The following KANK1 variants were observed in gnomAD, a reference collection of about 807,000 sequenced individuals.
KANK1 encodes KN motif and ankyrin repeat domain-containing protein 1.
A neutral mutation model predicts 106.2 loss-of-function variants in KANK1; 109 were observed. The ratio of observed to expected loss-of-function variants is 1.03; its 90% CI spans 0.88 to 1.20. The LOEUF is 1.20. Ranked by LOEUF, KANK1 falls within the 50% of genes most tolerant of loss-of-function variation. The probability of loss-of-function intolerance (pLI) is 0.00; values close to 1 mark genes in which losing one functional copy is unlikely to be tolerated. For missense variants in KANK1, 2,399 were observed against 1,710.7 expected (o/e 1.40, Z -7.10); for synonymous variants, 873 against 652.2 (o/e 1.34, Z -5.16).
At position 712,256 on chromosome 9, in the gene KANK1, C is replaced by T. The variant is rs765771184; in HGVS notation, c.1490C>T (p.Ser497Leu). ...KLKQELQAAG[S>L]RKKVDKATMA... ...AAACAAGAGCTGCAGGCTGCTGGAT[C>T]GAGGAAAAAGGTTGACAAAGCCACG... The change falls in exon 3 of 12, where the codon TCG (serine) becomes TTG (leucine). Residue 497 changes from serine to leucine, a missense_variant. Ser to Leu is a moderately radical substitution (Grantham distance 145, BLOSUM62 -2). Coordinates refer to ENST00000382297, the MANE Select transcript of KANK1 (RefSeq NM_015158.5). The T allele has an allele frequency of 2.0e-5, 32 of 1,614,058 alleles. No homozygotes were observed. The highest frequency in any genetic ancestry group is 1.9e-5 in the Non-Finnish European group (22 of 1,179,974).
intron 1 of KANK1, among the ~76,000 whole-genome samples, chr9:646,455 TTC>T (rs1348286656): frequency 6.6e-6 from 1 of 151,028 alleles, no homozygotes; most frequent in Non-Finnish European, 1.5e-5. Flanking sequence ...GGTACATGAG[TTC>T]TCTCTCTAAT....
At chr9:606,565 A>AAT (rs1480616008) in intron 1 of KANK1, among the ~76,000 whole-genome samples, 1 of 136,994 alleles carries the variant, frequency 7.3e-6, no homozygotes, top group Non-Finnish European at 1.6e-5. Context: ...TCAGAAAAAA[A>AAT]ATATATGTGT....
intron 8 of KANK1, among the ~76,000 whole-genome samples, chr9:738,770 G>C (rs1395712241): frequency 6.6e-6 from 1 of 152,224 alleles, no homozygotes; most frequent in Non-Finnish European, 1.5e-5. Context: ...ATTCAAAAGT[G>C]AGAGGTGTAT....
At chr9:553,914 C>T (rs2061423728) in intron 1 of KANK1, among the ~76,000 whole-genome samples, 1 of 152,162 alleles carries the variant, frequency 6.6e-6, no homozygotes, top group Admixed American at 6.5e-5. Context: ...CAGTGGTTCT[C>T]AAACTTTAGC....
intron 2 of KANK1, 95 bp from the exon 3 acceptor site, chr9:710,709 C>T (rs919285282): frequency 9.2e-7 from 1 of 1,086,626 alleles, no homozygotes; most frequent in Non-Finnish European, 1.3e-6. Context: ...CTCTTAAAAT[C>T]ATACCAGCTT....
At chr9:593,279 C>T (rs1825419160) in intron 1 of KANK1, among the ~76,000 whole-genome samples, 1 of 151,726 alleles carries the variant, frequency 6.6e-6, no homozygotes, top group African/African-American at 2.4e-5. Context: ...AAATTAATGA[C>T]AAAAGTCAGA....
chr9:679,887 C>G (rs1817182463), intron 2 of KANK1, among the ~76,000 whole-genome samples: 1 of 152,080 alleles, frequency 6.6e-6, no homozygotes, highest in Non-Finnish European at 1.5e-5. Context: ...CCTTTTCCCA[C>G]TTTGTATTAC....
intron 10 of KANK1, among the ~76,000 whole-genome samples, chr9:743,637 G>A (rs185699562): frequency 6.6e-6 from 1 of 152,158 alleles, no homozygotes; most frequent in African/African-American, 2.4e-5. Flanking sequence ...GGCTGAGACA[G>A]GAGGATCGCT....
At chr9:608,028 A>ATTTTTTTTTTT (rs1326986665) in intron 1 of KANK1, among the ~76,000 whole-genome samples, 13 of 84,378 alleles carry the variant, frequency 1.5e-4, no homozygotes, top group African/African-American at 5.6e-4. Flanking sequence ...TATTATTATT[A>ATTTTTTTTTTT]TTATTATTTT....
chr9:741,604 C>A (rs999719346), intron 9 of KANK1, among the ~76,000 whole-genome samples: 1 of 151,804 alleles, frequency 6.6e-6, no homozygotes. Flanking sequence ...TCTCCTGCCT[C>A]AGCCTCCCAA....
At chr9:627,058 A>AG (rs993488316) in intron 1 of KANK1, among the ~76,000 whole-genome samples, 3 of 151,984 alleles carry the variant, frequency 2.0e-5, no homozygotes, top group African/African-American at 7.3e-5. Context: ...CAAGGGGGAA[A>AG]AAAAGGTGGG....
At chr9:658,274 C>T (rs573921328) in intron 1 of KANK1, among the ~76,000 whole-genome samples, 23 of 152,096 alleles carry the variant, frequency 1.5e-4, no homozygotes, top group Middle Eastern at 3.4e-3. Context: ...TTTACTCATC[C>T]GCTTAAACCC....
At chr9:533,228 T>C (rs190123912) in intron 1 of KANK1, among the ~76,000 whole-genome samples, 1 of 152,140 alleles carries the variant, frequency 6.6e-6, no homozygotes, top group African/African-American at 2.4e-5. Flanking sequence ...TTTGGAGGGG[T>C]CATAGCTGTT....
chr9:742,109 C>G (rs2132268344), intron 9 of KANK1, 96 bp from the exon 10 acceptor site: 7 of 1,063,150 alleles, frequency 6.6e-6, no homozygotes, highest in South Asian at 1.5e-5. Flanking sequence ...CCTTCTGTCA[C>G]CACACTCTTC....
chr9:626,611 C>T (rs1403523064), intron 1 of KANK1, among the ~76,000 whole-genome samples: 2 of 152,226 alleles, frequency 1.3e-5, no homozygotes, highest in African/African-American at 4.8e-5. Context: ...TAAATAAATA[C>T]TGCCAACATC....
chr9:569,313 C>G (rs1432291497), intron 1 of KANK1, among the ~76,000 whole-genome samples: 1 of 152,016 alleles, frequency 6.6e-6, no homozygotes, highest in Non-Finnish European at 1.5e-5. Flanking sequence ...AAACTTAACC[C>G]CCAATGTGGC....
At chr9:583,620 G>T (rs1228507710) in intron 1 of KANK1, among the ~76,000 whole-genome samples, 4 of 151,286 alleles carry the variant, frequency 2.6e-5, no homozygotes, top group African/African-American at 4.9e-5. Flanking sequence ...TTCCTTGTAG[G>T]CAAAAGTTTC....
intron 3 of KANK1, among the ~76,000 whole-genome samples, chr9:488,689 A>T (rs2058332382): frequency 6.6e-6 from 1 of 152,222 alleles, no homozygotes; most frequent in Non-Finnish European, 1.5e-5. Flanking sequence ...GTCTTGTAAG[A>T]GTCAAGTGTC....
At chr9:601,379 C>G (rs1827704528) in intron 1 of KANK1, among the ~76,000 whole-genome samples, 1 of 151,764 alleles carries the variant, frequency 6.6e-6, no homozygotes, top group African/African-American at 2.4e-5. Context: ...TTGAGTAGTT[C>G]TGACTCTTTA....
Sources: allele counts gnomAD v4.1 joint callset (sites outside exome capture counted in the v4.1 genomes callset), GRCh38; gene constraint gnomAD v4.1.1; transcripts MANE v1.5; gene names NCBI Gene and HGNC (gene_info 2026-07-23, HGNC 2026-07-21).